The following INTS7 variants were observed in gnomAD, a reference collection of about 807,000 sequenced individuals.
The protein encoded by INTS7 is chromosome 1 open reading frame 73.
A neutral mutation model predicts 109.2 loss-of-function variants in INTS7; 46 were observed. The ratio of observed to expected loss-of-function variants is 0.42; its 90% CI spans 0.33 to 0.54. The LOEUF is 0.54. Ranked by LOEUF, INTS7 falls within the 20% of genes least tolerant of loss-of-function variation. INTS7 has a pLI of 0.07. For missense variants in INTS7, 929 were observed against 1,132.4 expected (o/e 0.82, Z 2.58); for synonymous variants, 412 against 402.9 (o/e 1.02, Z -0.27).
At chr1:212,000,021 C>T (rs1320359298) in intron 7 of INTS7, among the ~76,000 whole-genome samples, 1 of 152,072 alleles carries the variant, frequency 6.6e-6, no homozygotes, top group Non-Finnish European at 1.5e-5. Flanking sequence ...AGGAGAATCG[C>T]TTGAACCCTG....
chr1:212,002,370 T>G (rs527696208), intron 7 of INTS7, among the ~76,000 whole-genome samples: 78 of 152,350 alleles, frequency 5.1e-4, no homozygotes, highest in Non-Finnish European at 9.4e-4. Flanking sequence ...GAGATAATCT[T>G]TTAGAACTTA....
At chr1:212,011,032 TAAA>T (rs373025222) in intron 5 of INTS7, among the ~76,000 whole-genome samples, 4 of 152,232 alleles carry the variant, frequency 2.6e-5, no homozygotes, top group African/African-American at 7.2e-5. Flanking sequence ...TCAATATATA[TAAA>T]ATAGATAAGT....
At position 211,978,422 on chromosome 1, in the gene INTS7, A is replaced by G. The variant is rs950501628; in HGVS notation, c.1320T>C (p.Ser440=). The G allele has an allele frequency of 1.2e-5, 20 of 1,614,234 alleles. No individual in the cohort carries two copies. Among genetic ancestry groups the G allele is most frequent in the Non-Finnish European group, 1.6e-5 (19 of 1,180,046 alleles). The change falls in exon 11 of 20, where the codon AGT becomes AGC. Residue 440 remains serine (S), a synonymous_variant. Transcript: ENST00000366994. The part of the protein sequence containing the change: ...VVETLLTQLH[S]AQDAARILMC... ...TCAAAATCCGGGCAGCGTCTTGAGC[A>G]CTGTGCAATTGAGTCAACAAGGTCT... is the stretch of plus-strand genomic sequence containing the variant.
intron 16 of INTS7, among the ~76,000 whole-genome samples, chr1:211,965,869 C>A (rs1663853379): frequency 6.6e-6 from 1 of 152,086 alleles, no homozygotes; most frequent in Non-Finnish European, 1.5e-5. Context: ...TCAATGAAAT[C>A]ATTTGTACAA....
rs1466041754 is a variant in INTS7, at chr1:211,959,056, C to T, written c.2184-6355G>A. The stretch of plus-strand genomic sequence containing the variant: ...GCAAAAAAACAACCAGCTACTGCCA[C>T]GGGCCTCTGGAATCCTGGCAGGAGA... On this transcript the variant is annotated intron_variant, in intron 16 of 19. Transcript: ENST00000366994. This position sits in a 1 kb window ranked among gnomAD's most constrained non-coding sequence, Gnocchi z 4.2. Among the ~76,000 whole-genome samples the T allele has an allele frequency of 2.6e-5, 4 of 152,186 alleles. No homozygotes were observed. Among genetic ancestry groups the T allele is most frequent in the African/African-American group, 4.8e-5 (2 of 41,438 alleles).
intron 1 of INTS7, among the ~76,000 whole-genome samples, chr1:212,024,189 G>C (rs149338175): frequency 6.6e-6 from 1 of 151,836 alleles, no homozygotes; most frequent in Non-Finnish European, 1.5e-5. Flanking sequence ...GGCTATTTAC[G>C]CTCTTTTTTG....
rs547199528 is a variant in INTS7 at position 211,978,360 on chromosome 1, G to A, written c.1382C>T (p.Pro461Leu). ...HCLAAIAMQL[P>L]VLGDGMLGDL... ...ACCAAGCATCCCATCACCCAGCACC[G>A]GCAGTTGCATGGCAATGGCTGCCAG... The change falls in exon 11 of 20, where the codon CCG becomes CTG. Residue 461 changes from proline to leucine, a missense_variant. Physicochemically the swap from Pro to Leu is moderately conservative, Grantham distance 98. Coordinates refer to ENST00000366994, the MANE Select transcript of INTS7 (RefSeq NM_015434.4). 1.8e-5 allele frequency: 29 copies of A among 1,614,072 alleles called. No homozygotes were observed. Among genetic ancestry groups the A allele is most frequent in the South Asian group, 5.5e-5 (5 of 91,078 alleles).
At chr1:211,974,393 T>C (rs1664326218) in intron 13 of INTS7, among the ~76,000 whole-genome samples, 1 of 149,890 alleles carries the variant, frequency 6.7e-6, no homozygotes, top group South Asian at 2.1e-4. Flanking sequence ...AAACATTTCT[T>C]TTGAGATAGG....
intron 7 of INTS7, among the ~76,000 whole-genome samples, chr1:211,994,434 T>C (rs187000054): frequency 0.01 from 1,583 of 151,202 alleles, 14 homozygotes; most frequent in South Asian, 0.022. Context: ...TTTTTTTTTT[T>C]TTTTTTGAGA....
At chr1:211,977,388 G>A (rs3010005) in intron 11 of INTS7, among the ~76,000 whole-genome samples, 6,988 of 152,162 alleles carry the variant, frequency 0.046, 224 homozygotes, top group African/African-American at 0.084. Context: ...TATCAGGACC[G>A]TTAGTTCAAA....
intron 1 of INTS7, 69 bp downstream of exon 1, chr1:212,035,275 C>G (rs1417207973): frequency 1.5e-5 from 16 of 1,068,720 alleles, no homozygotes; most frequent in Non-Finnish European, 2.2e-5. Flanking sequence ...TCTCCCAAAG[C>G]AACCACCACC....
At chr1:212,014,546 TCCCTCC>T (rs371405739) in intron 4 of INTS7, among the ~76,000 whole-genome samples, 23 of 142,232 alleles carry the variant, frequency 1.6e-4, no homozygotes, top group Middle Eastern at 3.6e-3. Flanking sequence ...ATTTATCCTC[TCCCTCC>T]CCCTCCCCCT....
chr1:212,011,298 A>G (rs1034018104), intron 5 of INTS7, 77 bp downstream of exon 5: 6 of 746,478 alleles, frequency 8.0e-6, no homozygotes, highest in African/African-American at 5.4e-5. Context: ...CTAGCAAATA[A>G]TAAGTACTTA....
intron 16 of INTS7, among the ~76,000 whole-genome samples, chr1:211,953,769 A>T (rs916715295): frequency 2.6e-4 from 39 of 148,888 alleles, no homozygotes; most frequent in African/African-American, 9.1e-4. Flanking sequence ...CATGGTGTAT[A>T]TGTGCCACAT....
intron 13 of INTS7, among the ~76,000 whole-genome samples, chr1:211,969,604 G>A (rs1315344703): frequency 7.1e-6 from 1 of 141,530 alleles, no homozygotes; most frequent in Non-Finnish European, 1.5e-5. Flanking sequence ...CACCCAGGCC[G>A]GAGTGCAGTG....
rs1311568167 is a variant in INTS7, at chr1:211,952,642, ATTC to A, written c.2240_2242del (p.Arg747del). 1.2e-6 allele frequency: 2 copies of A among 1,612,620 alleles called. No homozygotes were observed. The highest frequency in any genetic ancestry group is 1.7e-6 in the Non-Finnish European group (2 of 1,178,816). On this transcript the variant is annotated inframe_deletion, in exon 17 of 20. Transcript: ENST00000366994. ...CAAGACATGATTATATACAGACATC[ATTC>A]TTCTTTCATATTCACTATCAGCATG...
intron 17 of INTS7, among the ~76,000 whole-genome samples, chr1:211,951,838 G>C (rs1663106805): frequency 6.6e-6 from 1 of 152,220 alleles, no homozygotes; most frequent in African/African-American, 2.4e-5. Context: ...AACCTGAGCA[G>C]AGATACTGGG....
chr1:211,951,283 G>A (rs750604071), intron 17 of INTS7, among the ~76,000 whole-genome samples: 14 of 152,018 alleles, frequency 9.2e-5, no homozygotes, highest in Non-Finnish European at 1.8e-4. Context: ...CCCATGATGG[G>A]ATGAGTGTTT....
chr1:211,981,271 C>T, intron 9 of INTS7, 81 bp from the exon 10 acceptor site: 1 of 816,806 alleles, frequency 1.2e-6, no homozygotes, highest in Non-Finnish European at 2.0e-6. Context: ...TACACACTCT[C>T]TTAGAAAAAA....
Sources: allele counts gnomAD v4.1 joint callset (sites outside exome capture counted in the v4.1 genomes callset), GRCh38; gene constraint gnomAD v4.1.1; non-coding constraint Gnocchi (gnomAD v3.1); transcripts MANE v1.5; gene names NCBI Gene and HGNC (gene_info 2026-07-23, HGNC 2026-07-21).